The following RBFOX1 variants were observed in gnomAD, a reference collection of about 807,000 sequenced individuals.
The protein encoded by RBFOX1 is RNA binding fox-1 homolog 1.
A neutral mutation model predicts 57.7 loss-of-function variants in RBFOX1; 8 were observed. The observed-to-expected ratio is 0.14, with a 90% confidence interval of 0.08 to 0.25. The LOEUF is 0.25. Ranked by LOEUF, RBFOX1 falls within the 10% of genes least tolerant of loss-of-function variation. The probability of loss-of-function intolerance (pLI) is 1.00; values close to 1 mark genes in which losing one functional copy is unlikely to be tolerated. For synonymous variants in RBFOX1, 326 were observed against 222.4 expected, an observed-to-expected ratio of 1.47 and a Z score of -4.15; for missense variants, 611 against 548.5, an observed-to-expected ratio of 1.11 and a Z score of -1.14.
intron 4 of RBFOX1, among the ~76,000 whole-genome samples, chr16:7,154,574 A>C (rs769213043): frequency 6.6e-6 from 1 of 152,130 alleles, no homozygotes; most frequent in Non-Finnish European, 1.5e-5. Flanking sequence ...AAAACTATTT[A>C]TATTTAAACT....
intron 4 of RBFOX1, among the ~76,000 whole-genome samples, chr16:5,926,278 C>T (rs183130828): frequency 4.1e-4 from 62 of 152,278 alleles, no homozygotes; most frequent in Admixed American, 1.8e-3. Context: ...CATTCAGGAA[C>T]GCTGTAGCTC....
chr16:6,357,322 T>A (rs2087523362), intron 2 of RBFOX1, among the ~76,000 whole-genome samples: 1 of 151,746 alleles, frequency 6.6e-6, no homozygotes. Context: ...GGGAGCCAGG[T>A]GATTGAGAAG....
intron 3 of RBFOX1, among the ~76,000 whole-genome samples, chr16:5,614,931 G>T (rs965963364): frequency 6.6e-6 from 1 of 152,330 alleles, no homozygotes; most frequent in South Asian, 2.1e-4. Flanking sequence ...TCCATGAGCT[G>T]TGAGAGGTAC....
intron 4 of RBFOX1, among the ~76,000 whole-genome samples, chr16:7,451,178 G>C (rs1225645176): frequency 6.6e-6 from 1 of 152,186 alleles, no homozygotes; most frequent in African/African-American, 2.4e-5. Flanking sequence ...TGCAGTCTGG[G>C]TGAGGGACAT....
chr16:6,918,746 C>T (rs560807320), intron 3 of RBFOX1, among the ~76,000 whole-genome samples: 1 of 152,118 alleles, frequency 6.6e-6, no homozygotes, highest in East Asian at 1.9e-4. Context: ...AAGCGGCAGT[C>T]TCACGTTGAT....
chr16:6,148,150 G>A lies in RBFOX1; in HGVS notation c.-127+128158G>A, dbSNP rs145763105. On this transcript the variant is annotated intron_variant, in intron 1 of 15. Coordinates refer to ENST00000550418, the MANE Select transcript of RBFOX1 (RefSeq NM_018723.4). ...TCGACACCAGCCCGGCAAACATGGT[G>A]AAACCCGTCTCTACTAAAATACAGA... Among the ~76,000 whole-genome samples, 629 of 152,298 alleles carry A rather than the reference G, an allele frequency of 4.1e-3. 6 individuals are homozygous for A. Among genetic ancestry groups the A allele is most frequent in the African/African-American group, 0.013 (550 of 41,588 alleles).
intron 3 of RBFOX1, among the ~76,000 whole-genome samples, chr16:6,909,569 C>G (rs1164875415): frequency 1.3e-5 from 2 of 152,244 alleles, no homozygotes; most frequent in Non-Finnish European, 1.5e-5. Context: ...CATTCATATT[C>G]AGGCTCAGCT....
At chr16:5,725,140 T>G (rs565634804) in intron 3 of RBFOX1, among the ~76,000 whole-genome samples, 2 of 152,362 alleles carry the variant, frequency 1.3e-5, no homozygotes, top group Admixed American at 6.5e-5. Context: ...CCAAGAGGCC[T>G]GATACCTGTT....
chr16:5,486,833 T>C (rs2042644987), intron 2 of RBFOX1, among the ~76,000 whole-genome samples: 2 of 152,274 alleles, frequency 1.3e-5, no homozygotes, highest in South Asian at 4.1e-4. Flanking sequence ...AATACCTTGC[T>C]GGAGATTTAA....
intron 3 of RBFOX1, among the ~76,000 whole-genome samples, chr16:6,975,665 A>G (rs2086667644): frequency 6.6e-6 from 1 of 152,204 alleles, no homozygotes; most frequent in Admixed American, 6.5e-5. Flanking sequence ...TCAGAATTTC[A>G]GCCCAAGTTC....
chr16:5,632,208 T>C (rs1354023660), intron 3 of RBFOX1, among the ~76,000 whole-genome samples: 1 of 152,204 alleles, frequency 6.6e-6, no homozygotes, highest in African/African-American at 2.4e-5. Context: ...ATAATTATTA[T>C]TCTGTATTAG....
At chr16:5,286,923 C>G (rs1371625320) in intron 1 of RBFOX1, among the ~76,000 whole-genome samples, 3 of 152,166 alleles carry the variant, frequency 2.0e-5, no homozygotes, top group Non-Finnish European at 2.9e-5. Flanking sequence ...CCTGTTCAGA[C>G]CAGTCACAAT....
chr16:5,606,329 G>T (rs113211749), intron 3 of RBFOX1, among the ~76,000 whole-genome samples: 1 of 151,890 alleles, frequency 6.6e-6, no homozygotes, highest in East Asian at 1.9e-4. Flanking sequence ...TCTCCCCTCA[G>T]ATCTGACCAT....
rs7204802 is a variant in RBFOX1 at position 6,962,843 on chromosome 16, C to A, written c.-15-89214C>A. 1.5e-4 allele frequency among the ~76,000 whole-genome samples: 22 copies of A among 149,212 alleles called. No homozygotes were observed. In the Admixed American group the frequency reaches 1.5e-3, roughly 10 times the overall value. On this transcript the variant is annotated intron_variant, in intron 3 of 15. Transcript: ENST00000550418. Reference sequence around the variant, plus strand: ...TCATGCCACTGCACTCCAGCCTGGGCGGCAGAATGAGACCCTGTCTCATGG... The same window carrying A: ...TCATGCCACTGCACTCCAGCCTGGGAGGCAGAATGAGACCCTGTCTCATGG...
At chr16:7,517,156 TGTGTGTG>T in intron 4 of RBFOX1, among the ~76,000 whole-genome samples, 1 of 149,574 alleles carries the variant, frequency 6.7e-6, no homozygotes, top group Non-Finnish European at 1.5e-5. Context: ...TGTGTGTGTG[TGTGTGTG>T]TGTGTGTGTG....
chr16:5,404,441 C>T (rs934512119), intron 1 of RBFOX1, among the ~76,000 whole-genome samples: 4 of 152,248 alleles, frequency 2.6e-5, no homozygotes, highest in African/African-American at 9.6e-5. Flanking sequence ...GCCACTGTCA[C>T]TTAGAGAAAG....
intron 3 of RBFOX1, among the ~76,000 whole-genome samples, chr16:7,043,606 G>T (rs921922334): frequency 2.6e-5 from 4 of 152,224 alleles, no homozygotes; most frequent in Admixed American, 2.0e-4. Context: ...TGAGTTCTAT[G>T]CTGGTAAACT....
intron 2 of RBFOX1, among the ~76,000 whole-genome samples, chr16:5,470,228 C>T (rs1299352305): frequency 6.6e-6 from 1 of 152,164 alleles, no homozygotes; most frequent in Admixed American, 6.5e-5. Flanking sequence ...GAACATCAGC[C>T]CTGGGTAGCA....
chr16:6,482,239 T>G (rs1278871026), intron 2 of RBFOX1, among the ~76,000 whole-genome samples: 2 of 152,222 alleles, frequency 1.3e-5, no homozygotes, highest in Non-Finnish European at 2.9e-5. Context: ...AAATTTTATT[T>G]CCCATTTAGA....
Sources: gnomAD v4.1 joint callset for allele counts (sites outside exome capture counted in the v4.1 genomes callset) on GRCh38, gnomAD v4.1.1 for gene constraint, MANE v1.5 for transcripts, NCBI Gene and HGNC (gene_info 2026-07-23, HGNC 2026-07-21) for gene names.